HDAC9: variants seen among roughly 807,000 people sequenced by gnomAD.
The protein encoded by HDAC9 is histone deacetylase 9, also known as MEF-2 interacting transcription repressor (MITR) protein.
HDAC9 carries 41 observed loss-of-function variants against 139.4 expected under a neutral mutation model. That is an observed-to-expected ratio of 0.29 (90% CI 0.23 to 0.38). The LOEUF (loss-of-function observed/expected upper bound fraction) is 0.38, where lower values mean the gene tolerates loss of function less well. Ranked by LOEUF, HDAC9 falls within the 10% of genes least tolerant of loss-of-function variation. HDAC9 has a pLI of 1.00. For synonymous variants in HDAC9, 517 were observed against 476.2 expected, an observed-to-expected ratio of 1.09 and a Z score of -1.12; for missense variants, 1,147 against 1,297.0, an observed-to-expected ratio of 0.88 and a Z score of 1.78.
At chr7:18,595,294 T>TA (rs1832153428) in intron 6 of HDAC9, among the ~76,000 whole-genome samples, 1 of 152,038 alleles carries the variant, frequency 6.6e-6, no homozygotes, top group Admixed American at 6.6e-5. Context: ...AAGGCAAGGA[T>TA]AATTGAGTTT....
intron 1 of HDAC9, among the ~76,000 whole-genome samples, chr7:18,128,808 T>C (rs529625327): frequency 6.6e-6 from 1 of 152,222 alleles, no homozygotes; most frequent in East Asian, 1.9e-4. Context: ...GAATCCTGAT[T>C]CTCTTTCCTT....
intron 23 of HDAC9, among the ~76,000 whole-genome samples, chr7:18,938,293 C>A (rs935191633): frequency 7.6e-5 from 11 of 145,366 alleles, no homozygotes; most frequent in African/African-American, 1.5e-4. Flanking sequence ...CTTAAATATT[C>A]CTATATGAAA....
intron 1 of HDAC9, among the ~76,000 whole-genome samples, chr7:18,421,687 CAG>C (rs1789632761): frequency 6.6e-6 from 1 of 152,142 alleles, no homozygotes; most frequent in Admixed American, 6.6e-5. Flanking sequence ...CTTGGTAGCT[CAG>C]TGTCACGGAT....
chr7:18,181,547 G>A (rs1789429507), intron 2 of HDAC9, among the ~76,000 whole-genome samples: 1 of 152,178 alleles, frequency 6.6e-6, no homozygotes, highest in Admixed American at 6.5e-5. Flanking sequence ...GGACCAGAAA[G>A]TATTTTACAG....
chr7:18,249,313 G>T (rs963447476), intron 2 of HDAC9, among the ~76,000 whole-genome samples: 8 of 151,660 alleles, frequency 5.3e-5, no homozygotes, highest in Admixed American at 1.3e-4. Context: ...GACCAGCCTG[G>T]CCAACATGGT....
rs1338020188 is a variant in HDAC9, at chr7:18,390,950, A to G, written c.-42+100435A>G. On this transcript the variant is annotated intron_variant, in intron 1 of 3. Transcript: ENST00000413509. ...CTAAAAATACAAAAATTAGCCAGGC[A>G]TGGTGGCACACACCTGTAGTCCCAG... Among the ~76,000 whole-genome samples the G allele has an allele frequency of 2.0e-5, 3 of 152,144 alleles. No individual in the cohort carries two copies. The East Asian group carries it at 5.8e-4, about 29-fold the overall frequency.
rs145767879 is a variant in HDAC9 at position 18,695,782 on chromosome 7, A to G, written c.1731+29306A>G. Among the ~76,000 whole-genome samples the G allele has an allele frequency of 3.4e-3, 523 of 152,352 alleles. 2 individuals are homozygous for G. Among genetic ancestry groups the G allele is most frequent in the Middle Eastern group, 0.02 (6 of 294 alleles). ...AAGGATTCTTCCTTTTTCTTAAGAA[A>G]AATCTATACCTAGAGAAGAGTGTCT... On this transcript the variant is annotated intron_variant, in intron 12 of 25. Coordinates refer to ENST00000686413, the MANE Select transcript of HDAC9 (RefSeq NM_178425.4).
At chr7:18,392,136 ATTACCTGAGTGAG>A (rs772379703) in intron 1 of HDAC9, among the ~76,000 whole-genome samples, 3 of 152,132 alleles carry the variant, frequency 2.0e-5, no homozygotes, top group Non-Finnish European at 4.4e-5. Flanking sequence ...TACAAGTTGT[ATTACCTGAGTGAG>A]TTACTCAGCC....
intron 2 of HDAC9, among the ~76,000 whole-genome samples, chr7:18,166,555 G>A (rs142320273): frequency 6.6e-6 from 1 of 152,180 alleles, no homozygotes; most frequent in East Asian, 1.9e-4. Context: ...AATATAAATT[G>A]TTATGGAAAT....
At chr7:18,748,237 A>G (rs905579983) in intron 13 of HDAC9, among the ~76,000 whole-genome samples, 6 of 152,222 alleles carry the variant, frequency 3.9e-5, no homozygotes, top group African/African-American at 1.2e-4. Context: ...GTTATTATAC[A>G]GTCTTTCCCA....
chr7:18,729,112 T>A (rs952807554), intron 13 of HDAC9, among the ~76,000 whole-genome samples: 1 of 152,134 alleles, frequency 6.6e-6, no homozygotes, highest in African/African-American at 2.4e-5. Flanking sequence ...AGATACATGA[T>A]ACAGAGGAAT....
chr7:18,335,001 G>C (rs943670675), intron 1 of HDAC9, among the ~76,000 whole-genome samples: 3 of 151,470 alleles, frequency 2.0e-5, no homozygotes, highest in Non-Finnish European at 4.4e-5. Flanking sequence ...TTGTCCGGCA[G>C]GGTTTTAGAA....
At chr7:18,867,408 G>T (rs901760726) in intron 21 of HDAC9, among the ~76,000 whole-genome samples, 2 of 152,036 alleles carry the variant, frequency 1.3e-5, no homozygotes, top group Admixed American at 1.3e-4. Flanking sequence ...TAAGTTATTC[G>T]GAAAGGGAGC....
chr7:18,839,223 C>A (rs1796432029), intron 21 of HDAC9, among the ~76,000 whole-genome samples: 1 of 151,946 alleles, frequency 6.6e-6, no homozygotes, highest in Non-Finnish European at 1.5e-5. Context: ...ATGCCAGGTC[C>A]TAGATTAGAA....
chr7:18,796,375 G>C (rs765591025), intron 17 of HDAC9, among the ~76,000 whole-genome samples: 2 of 152,186 alleles, frequency 1.3e-5, no homozygotes, highest in Non-Finnish European at 2.9e-5. Flanking sequence ...TCTTCCCCCA[G>C]GGGATATTGA....
intron 1 of HDAC9, among the ~76,000 whole-genome samples, chr7:18,328,597 C>T (rs559961436): frequency 6.6e-6 from 1 of 152,002 alleles, no homozygotes; most frequent in African/African-American, 2.4e-5. Flanking sequence ...ATGGTGTTCA[C>T]ATTTACTGAT....
At position 18,835,774 on chromosome 7, in the gene HDAC9, T is replaced by C. The variant is rs56034801; in HGVS notation, c.2587-126T>C. On this transcript the variant is annotated intron_variant, in intron 20 of 25. Coordinates refer to ENST00000686413, the MANE Select transcript of HDAC9 (RefSeq NM_178425.4). ...CCAGAGCACTGTTTGTCAGGGAAGG[T>C]TGGGCTGATTTGATGTGTTGTTTGA... The C allele has an allele frequency of 4.0e-3, 3,875 of 976,586 alleles. 13 individuals carry two copies. The highest frequency in any genetic ancestry group is 4.8e-3 in the Non-Finnish European group (3,039 of 639,386). The allele number at this position is 976,586 out of a possible 1,614,324, so 60.5% of individuals were successfully genotyped here. A position where few individuals can be genotyped will look rare whatever the true frequency, so the allele number is the denominator to read the frequency against.
At chr7:18,763,598 T>A (rs576132369) in intron 15 of HDAC9, among the ~76,000 whole-genome samples, 1 of 152,246 alleles carries the variant, frequency 6.6e-6, no homozygotes, top group Non-Finnish European at 1.5e-5. Context: ...TGCAGATACT[T>A]TACATAAAAT....
At chr7:18,564,344 A>G (rs954053436) in intron 2 of HDAC9, among the ~76,000 whole-genome samples, 12 of 152,238 alleles carry the variant, frequency 7.9e-5, no homozygotes, top group Non-Finnish European at 1.5e-4. Context: ...ATTGATAAAT[A>G]AATGAGAAAT....
Sources: allele counts gnomAD v4.1 joint callset (sites outside exome capture counted in the v4.1 genomes callset), GRCh38; gene constraint gnomAD v4.1.1; transcripts MANE v1.5; gene names NCBI Gene and HGNC (gene_info 2026-07-23, HGNC 2026-07-21).